LDB2: variants seen among roughly 807,000 people sequenced by gnomAD.
The protein encoded by LDB2 is LIM domain binding 2.
Under a neutral mutation model 44.3 loss-of-function variants are expected in LDB2, and 12 were observed. The ratio of observed to expected loss-of-function variants is 0.27; its 90% confidence interval spans 0.17 to 0.44. LDB2 has a LOEUF of 0.44. LDB2 is among the 20% of genes least tolerant of loss of function. LDB2 has a pLI of 1.00. For missense variants in LDB2, 344 were observed against 473.5 expected (o/e 0.73, Z 2.54); for synonymous variants, 164 against 174.8 (o/e 0.94, Z 0.49).
chr4:16,579,055 G>A (rs1249629320), intron 5 of LDB2, among the ~76,000 whole-genome samples: 1 of 152,170 alleles, frequency 6.6e-6, no homozygotes, highest in Non-Finnish European at 1.5e-5. Context: ...GGTCAGGGTG[G>A]CGGAAAAGGA....
chr4:16,815,331 G>A (rs1780702927), intron 1 of LDB2, among the ~76,000 whole-genome samples: 1 of 152,352 alleles, frequency 6.6e-6, no homozygotes, highest in East Asian at 1.9e-4. Flanking sequence ...AGGGTATGGG[G>A]AGGTGTGTGT....
intron 2 of LDB2, among the ~76,000 whole-genome samples, chr4:16,699,354 G>A (rs551692515): frequency 1.5e-3 from 221 of 152,278 alleles, no homozygotes; most frequent in African/African-American, 4.6e-3. Context: ...AACTAATTGC[G>A]TAGTAAATCC....
intron 2 of LDB2, among the ~76,000 whole-genome samples, chr4:16,621,488 AAG>A (rs1728858488): frequency 1.3e-5 from 2 of 152,350 alleles, no homozygotes; most frequent in South Asian, 4.1e-4. Context: ...GCAAGTTAGA[AAG>A]AGTTTGGGGT....
intron 2 of LDB2, among the ~76,000 whole-genome samples, chr4:16,700,949 T>C (rs984567860): frequency 4.6e-5 from 7 of 152,212 alleles, no homozygotes; most frequent in South Asian, 2.1e-4. Context: ...CATTTTGCAT[T>C]GAGTGTGTGT....
At chr4:16,845,310 G>A (rs1373397943) in intron 1 of LDB2, among the ~76,000 whole-genome samples, 1 of 152,250 alleles carries the variant, frequency 6.6e-6, no homozygotes, top group African/African-American at 2.4e-5. Flanking sequence ...GCATGTCATC[G>A]AGATCTCCTC....
chr4:16,806,413 C>T (rs1371277480), intron 1 of LDB2, among the ~76,000 whole-genome samples: 3 of 152,174 alleles, frequency 2.0e-5, no homozygotes, highest in Non-Finnish European at 4.4e-5. Flanking sequence ...ATGGTGGGCA[C>T]TCAGCCCACA....
At chr4:16,553,838 G>A (rs1273011091) in intron 5 of LDB2, among the ~76,000 whole-genome samples, 1 of 152,022 alleles carries the variant, frequency 6.6e-6, no homozygotes, top group Non-Finnish European at 1.5e-5. Context: ...TTTTATACCT[G>A]AGCACACTGA....
At chr4:16,687,836 C>A (rs1749639134) in intron 2 of LDB2, among the ~76,000 whole-genome samples, 2 of 152,140 alleles carry the variant, frequency 1.3e-5, no homozygotes, top group African/African-American at 4.8e-5. Flanking sequence ...GAGAAGTTAG[C>A]ACGTTTTGGA....
At chr4:16,793,229 CT>C (rs1472847829) in intron 1 of LDB2, among the ~76,000 whole-genome samples, 1 of 152,048 alleles carries the variant, frequency 6.6e-6, no homozygotes, top group Non-Finnish European at 1.5e-5. Context: ...CTTTTGTGCC[CT>C]TTTTTTGGTC....
intron 2 of LDB2, among the ~76,000 whole-genome samples, chr4:16,615,536 A>G (rs1381900604): frequency 6.6e-6 from 1 of 152,166 alleles, no homozygotes; most frequent in Admixed American, 6.5e-5. Context: ...GTTCTCGCTC[A>G]TAAGTGAGAG....
intron 2 of LDB2, among the ~76,000 whole-genome samples, chr4:16,659,845 T>G (rs1285094371): frequency 6.6e-6 from 1 of 152,130 alleles, no homozygotes; most frequent in Non-Finnish European, 1.5e-5. Flanking sequence ...CTTTGTCTTC[T>G]GATAAATCTC....
intron 1 of LDB2, among the ~76,000 whole-genome samples, chr4:16,847,644 G>A (rs1266668000): frequency 6.6e-6 from 1 of 151,246 alleles, no homozygotes; most frequent in Non-Finnish European, 1.5e-5. Context: ...TTGAGACGGA[G>A]TCTCGCTCTG....
chr4:16,609,528 G>T (rs1725029031), intron 2 of LDB2, among the ~76,000 whole-genome samples: 1 of 152,196 alleles, frequency 6.6e-6, no homozygotes, highest in Non-Finnish European at 1.5e-5. Context: ...AGCCAGGGAG[G>T]CTGGACAGCT....
At chr4:16,838,367 A>T (rs1325088101) in intron 1 of LDB2, among the ~76,000 whole-genome samples, 2 of 152,142 alleles carry the variant, frequency 1.3e-5, no homozygotes, top group Non-Finnish European at 2.9e-5. Context: ...TCGGCATGTG[A>T]CTATGAGGGC....
intron 2 of LDB2, among the ~76,000 whole-genome samples, chr4:16,640,445 TAGG>T (rs1734829884): frequency 6.6e-6 from 1 of 152,128 alleles, no homozygotes; most frequent in African/African-American, 2.4e-5. Flanking sequence ...CCTGACTTTT[TAGG>T]AGGAGGAATA....
At chr4:16,659,671 G>GTGTATATATATATATATATATATATATA (rs1315288524) in intron 2 of LDB2, among the ~76,000 whole-genome samples, 1 of 133,518 alleles carries the variant, frequency 7.5e-6, no homozygotes, top group African/African-American at 3.0e-5. Context: ...ATCTATGTGT[G>GTGTATATATATATATATATATATATATA]TATATATATA....
At chr4:16,853,043 C>A (rs551986285) in intron 1 of LDB2, among the ~76,000 whole-genome samples, 1 of 152,134 alleles carries the variant, frequency 6.6e-6, no homozygotes, top group South Asian at 2.1e-4. Flanking sequence ...AATACCATCA[C>A]GTTTTCAAAT....
At chr4:16,885,154 TAAAAAAAAAAA>T (rs57704740) in intron 1 of LDB2, among the ~76,000 whole-genome samples, 1 of 94,854 alleles carries the variant, frequency 1.1e-5, no homozygotes, top group Non-Finnish European at 2.0e-5. Flanking sequence ...ATACCACTTC[TAAAAAAAAAAA>T]AAAAAAAAAA....
At chr4:16,761,008 G>GT (rs201649974) in intron 1 of LDB2, among the ~76,000 whole-genome samples, 9,487 of 144,934 alleles carry the variant, frequency 0.065, 499 homozygotes, top group African/African-American at 0.15. Context: ...TGTGTGTGTG[G>GT]TTTTTTTTTT....
Sources: gnomAD v4.1 joint callset for allele counts (sites outside exome capture counted in the v4.1 genomes callset) on GRCh38, gnomAD v4.1.1 for gene constraint, MANE v1.5 for transcripts, NCBI Gene and HGNC (gene_info 2026-07-23, HGNC 2026-07-21) for gene names.